The following EYS variants were observed in gnomAD, a reference collection of about 807,000 sequenced individuals.
EYS encodes the protein EGF-like photoreceptor maintenance factor, also known as protein eyes shut homolog.
In EYS, 250 loss-of-function variants were observed where a neutral mutation model predicts 282.1. The observed-to-expected ratio is 0.89, with a 90% CI of 0.80 to 0.98. The LOEUF (loss-of-function observed/expected upper bound fraction) is 0.98, where lower values mean the gene tolerates loss of function less well. Ranked by LOEUF, EYS falls within the 50% of genes least tolerant of loss-of-function variation. The pLI, the probability that EYS is intolerant of heterozygous loss-of-function variation, is 0.00. For missense variants in EYS, 4,016 were observed against 3,709.0 expected (o/e 1.08, Z -2.15); for synonymous variants, 1,355 against 1,282.9 (o/e 1.06, Z -1.20).
At chr6:64,200,315 A>G (rs933779747) in intron 31 of EYS, among the ~76,000 whole-genome samples, 4 of 152,060 alleles carry the variant, frequency 2.6e-5, no homozygotes, top group African/African-American at 9.7e-5. Flanking sequence ...AGTGAACTCT[A>G]ATATAAAGTA....
At chr6:64,315,925 A>G (rs543992154) in intron 29 of EYS, among the ~76,000 whole-genome samples, 7 of 152,338 alleles carry the variant, frequency 4.6e-5, no homozygotes, top group African/African-American at 1.4e-4. Context: ...ATGCAAATCA[A>G]TAAGTGTAAT....
At chr6:65,524,536 T>C (rs1185042503) in intron 2 of EYS, among the ~76,000 whole-genome samples, 1 of 152,164 alleles carries the variant, frequency 6.6e-6, no homozygotes, top group Non-Finnish European at 1.5e-5. Flanking sequence ...CTTCAAGATG[T>C]TGCCACCTAG....
At chr6:65,627,634 G>C (rs947693476) in intron 2 of EYS, among the ~76,000 whole-genome samples, 1 of 152,136 alleles carries the variant, frequency 6.6e-6, no homozygotes, top group African/African-American at 2.4e-5. Flanking sequence ...CCCCACACTC[G>C]GAACAGCTGG....
In EYS at chr6:64,739,048, A is replaced by C. The variant is rs114212626; in HGVS notation, c.3443+74330T>G. On this transcript the variant is annotated intron_variant, in intron 22 of 42. Coordinates refer to ENST00000503581, the MANE Select transcript of EYS (RefSeq NM_001142800.2). Reference sequence around the variant, plus strand: ...CAGGCGTGAGCCACCATGCCTGTCCAGTAATTTAACAGTACTTTTTTCTTC... The same window carrying C: ...CAGGCGTGAGCCACCATGCCTGTCCCGTAATTTAACAGTACTTTTTTCTTC... Among the ~76,000 whole-genome samples, 132 of 152,316 alleles carry C rather than the reference A, an allele frequency of 8.7e-4. 1 individual carries two copies. Among genetic ancestry groups the C allele is most frequent in the African/African-American group, 3.0e-3 (125 of 41,582 alleles).
intron 5 of EYS, among the ~76,000 whole-genome samples, chr6:65,423,204 G>T (rs1186376546): frequency 6.6e-6 from 1 of 151,846 alleles, no homozygotes; most frequent in Non-Finnish European, 1.5e-5. Flanking sequence ...TGAGAAGGGG[G>T]AGGAGTAAAT....
At chr6:64,435,611 G>GCATT (rs1375406759) in intron 28 of EYS, among the ~76,000 whole-genome samples, 2 of 150,062 alleles carry the variant, frequency 1.3e-5, no homozygotes, top group Admixed American at 6.8e-5. Flanking sequence ...TAACAAAAAA[G>GCATT]CATTACATCT....
chr6:64,482,610 A>C (rs576606178), intron 26 of EYS, among the ~76,000 whole-genome samples: 4 of 151,890 alleles, frequency 2.6e-5, no homozygotes, highest in Admixed American at 6.6e-5. Context: ...TATGACATAT[A>C]GCAAATGTTT....
intron 22 of EYS, among the ~76,000 whole-genome samples, chr6:64,750,435 T>C (rs1364058478): frequency 3.4e-5 from 5 of 148,646 alleles, no homozygotes; most frequent in Middle Eastern, 3.6e-3. Flanking sequence ...AAAAAAAAGC[T>C]TTCTTTTTCT....
At chr6:65,202,230 A>G (rs1765920636) in intron 12 of EYS, among the ~76,000 whole-genome samples, 2 of 152,198 alleles carry the variant, frequency 1.3e-5, no homozygotes, top group South Asian at 4.1e-4. Flanking sequence ...CACCACTATC[A>G]AAGTAATAAA....
At chr6:63,942,194 A>G (rs559280511) in intron 35 of EYS, among the ~76,000 whole-genome samples, 5 of 152,314 alleles carry the variant, frequency 3.3e-5, no homozygotes, top group East Asian at 3.9e-4. Flanking sequence ...AGAGAATAAC[A>G]TAAAAGTCTG....
At chr6:64,497,055 G>A (rs1776911130) in intron 26 of EYS, among the ~76,000 whole-genome samples, 1 of 151,990 alleles carries the variant, frequency 6.6e-6, no homozygotes, top group South Asian at 2.1e-4. Flanking sequence ...TCAAATCCCA[G>A]TTTAATTAAA....
intron 35 of EYS, among the ~76,000 whole-genome samples, chr6:63,949,789 A>T (rs1765513725): frequency 6.6e-6 from 1 of 152,242 alleles, no homozygotes; most frequent in Non-Finnish European, 1.5e-5. Context: ...ACCTTTGGTC[A>T]CAACACTGTC....
At chr6:65,046,089 G>T (rs1773091993) in intron 13 of EYS, among the ~76,000 whole-genome samples, 1 of 151,686 alleles carries the variant, frequency 6.6e-6, no homozygotes, top group Admixed American at 6.6e-5. Flanking sequence ...CATTCCCCTG[G>T]TTATTCATTG....
At chr6:64,772,822 G>A (rs1006240461) in intron 22 of EYS, among the ~76,000 whole-genome samples, 1 of 151,580 alleles carries the variant, frequency 6.6e-6, no homozygotes, top group Non-Finnish European at 1.5e-5. Context: ...TTTCATCCAC[G>A]TTGTTGCAAA....
chr6:64,077,041 T>G (rs1771797326), intron 32 of EYS, among the ~76,000 whole-genome samples: 1 of 151,956 alleles, frequency 6.6e-6, no homozygotes. Context: ...TTGTCTTTGC[T>G]GTCATAAAAA....
chr6:65,140,601 G>A (rs1764303895), intron 12 of EYS, among the ~76,000 whole-genome samples: 1 of 150,836 alleles, frequency 6.6e-6, no homozygotes, highest in East Asian at 1.9e-4. Context: ...ATCTGACAAA[G>A]GGCTAATATC....
chr6:63,988,669 C>A (rs916666519), intron 34 of EYS, among the ~76,000 whole-genome samples: 4 of 151,424 alleles, frequency 2.6e-5, no homozygotes, highest in Admixed American at 2.0e-4. Context: ...GTGAATCAGA[C>A]TATGAAGAAT....
Position 64,744,701 on chromosome 6 carries a change from A to C in EYS, c.3443+68677T>G, listed in dbSNP as rs1207320693. On this transcript the variant is annotated intron_variant, in intron 22 of 42. Transcript: ENST00000503581. Reference sequence around the variant, plus strand: ...GTAATGCTAGTTTTAGAGTGTATACACTGAAAAAACAGTTCCCTTTTAAGA... The same window carrying C: ...GTAATGCTAGTTTTAGAGTGTATACCCTGAAAAAACAGTTCCCTTTTAAGA... Among the ~76,000 whole-genome samples the C allele has an allele frequency of 3.3e-5, 5 of 152,166 alleles. No individual in the cohort carries two copies. In the East Asian group the frequency reaches 9.6e-4, roughly 29 times the overall value.
chr6:64,989,987 T>C (rs1771010016), intron 14 of EYS, among the ~76,000 whole-genome samples: 1 of 151,130 alleles, frequency 6.6e-6, no homozygotes. Flanking sequence ...TTTGTGTAGG[T>C]ACACACAAAT....
Sources: gnomAD v4.1 joint callset for allele counts (sites outside exome capture counted in the v4.1 genomes callset) on GRCh38, gnomAD v4.1.1 for gene constraint, MANE v1.5 for transcripts, NCBI Gene and HGNC (gene_info 2026-07-23, HGNC 2026-07-21) for gene names.